Variants in TEX14 observed in about 807,000 individuals in gnomAD.
The protein encoded by TEX14 is testis expressed 14, intercellular bridge forming factor, also known as inactive serine/threonine-protein kinase TEX14.
A neutral mutation model predicts 178.6 loss-of-function variants in TEX14; 168 were observed. That is an observed-to-expected ratio of 0.94 (90% CI 0.83 to 1.07). The LOEUF is 1.07. TEX14 is among the 50% of genes least tolerant of loss of function. TEX14 has a pLI of 0.00. For synonymous variants in TEX14, 626 were observed against 634.1 expected, an observed-to-expected ratio of 0.99 and a Z score of 0.19; for missense variants, 1,730 against 1,753.6, an observed-to-expected ratio of 0.99 and a Z score of 0.24.
At chr17:58,564,816 CAT>C in intron 28 of TEX14, 51 bp downstream of exon 28, 1 of 1,160,044 alleles carries the variant, frequency 8.6e-7, no homozygotes, top group East Asian at 2.5e-5. Flanking sequence ...AAAAACCTAA[CAT>C]AAACTATACA....
At chr17:58,654,980 T>C (rs934317270) in intron 1 of TEX14, among the ~76,000 whole-genome samples, 10 of 151,522 alleles carry the variant, frequency 6.6e-5, no homozygotes, top group Non-Finnish European at 1.3e-4. Flanking sequence ...GTTGGTCTGC[T>C]GAGTTACTCC....
At chr17:58,686,498 C>A (rs1228300637) in intron 1 of TEX14, among the ~76,000 whole-genome samples, 1 of 152,044 alleles carries the variant, frequency 6.6e-6, no homozygotes, top group African/African-American at 2.4e-5. Flanking sequence ...TGCATCTGGA[C>A]GGCAGAGGGT....
chr17:58,630,291 C>T (rs952535511), intron 3 of TEX14, 149 bp downstream of exon 3: 4 of 546,444 alleles, frequency 7.3e-6, no homozygotes, highest in East Asian at 6.2e-5. Context: ...CTCCTGACCT[C>T]GTGATCTGCC....
chr17:58,556,714 G>A lies in TEX14; in HGVS notation c.*297C>T. The A allele has an allele frequency of 2.7e-6, 1 of 366,202 alleles. No homozygotes were observed. Among genetic ancestry groups the A allele is most frequent in the East Asian group, 4.2e-5 (1 of 23,664 alleles). 22.7% of individuals were successfully genotyped at this position (366,202 alleles called of 1,614,324 possible). A position where few individuals can be genotyped will look rare whatever the true frequency, so the allele number is the denominator to read the frequency against. On this transcript the variant is annotated 3_prime_UTR_variant, in exon 32 of 32. Coordinates refer to ENST00000349033, the MANE Select transcript of TEX14 (RefSeq NM_031272.5). ...AATTAAACATTTTATTATATAACAA[G>A]AGTTAAAGTTTTTGAAAATTAACAT...
At chr17:58,675,552 G>A (rs1022526007) in intron 1 of TEX14, 5 of 152,128 alleles carry the variant, frequency 3.3e-5, no homozygotes, top group African/African-American at 1.2e-4. Context: ...GACAATCTCT[G>A]GCTCTTTCTA....
At chr17:58,565,565 TAC>T (rs2044379138) in intron 27 of TEX14, among the ~76,000 whole-genome samples, 180 bp downstream of exon 27, 1 of 152,238 alleles carries the variant, frequency 6.6e-6, no homozygotes, top group African/African-American at 2.4e-5. Flanking sequence ...GTCCCCATTT[TAC>T]AGATTAAGAC....
intron 14 of TEX14, among the ~76,000 whole-genome samples, chr17:58,594,058 A>C (rs1182788250): frequency 6.6e-6 from 1 of 151,824 alleles, no homozygotes; most frequent in Non-Finnish European, 1.5e-5. Context: ...TGGTCTCGAT[A>C]TCTTGACTTT....
chr17:58,574,336 GC>G, intron 21 of TEX14, 87 bp from the exon 22 acceptor site: 1 of 1,025,480 alleles, frequency 9.8e-7, no homozygotes, highest in Non-Finnish European at 1.5e-6. Context: ...CAGTTGATCA[GC>G]CCAGTGTGAG....
intron 13 of TEX14, among the ~76,000 whole-genome samples, 159 bp downstream of exon 13, chr17:58,601,647 G>C (rs917059838): frequency 1.1e-4 from 16 of 152,200 alleles, no homozygotes; most frequent in African/African-American, 3.9e-4. Flanking sequence ...TGAGCTGAGA[G>C]CATGCCACTG....
rs374331123 is a variant in TEX14 at position 58,572,123 on chromosome 17, G to C, written c.3515C>G (p.Ser1172Cys). The change falls in exon 24 of 32, where the codon TCC becomes TGC. Residue 1172 changes from serine (S) to cysteine (C), a missense_variant. Ser to Cys is a moderately radical substitution (Grantham distance 112). Transcript: ENST00000349033. ...ATACTGACTGGCAGCTGAAGAAACGGACCCTGTTGGAGAAAAGCGGAAGGT... is the reference window on the plus strand; with the variant it reads ...ATACTGACTGGCAGCTGAAGAAACGCACCCTGTTGGAGAAAAGCGGAAGGT... ...TSVSTPLSPG[S>C]VSSAASQYKD... is the part of the protein sequence containing the mutation. The C allele has an allele frequency of 6.2e-6, 10 of 1,603,120 alleles. No homozygotes were observed. The highest frequency in any genetic ancestry group is 8.5e-6 in the Non-Finnish European group (10 of 1,171,114).
chr17:58,659,307 A>C (rs781562335), intron 1 of TEX14: 3 of 974,504 alleles, frequency 3.1e-6, no homozygotes, highest in Non-Finnish European at 3.7e-6. Flanking sequence ...CAAAGACATT[A>C]TTTACTTAAT....
intron 1 of TEX14, among the ~76,000 whole-genome samples, chr17:58,675,016 C>A (rs543380862): frequency 1.3e-5 from 2 of 151,832 alleles, no homozygotes; most frequent in South Asian, 2.1e-4. Context: ...CATGGTAGCA[C>A]ATGCCTATAA....
intron 4 of TEX14, among the ~76,000 whole-genome samples, chr17:58,622,082 T>C (rs2144549836): frequency 6.6e-6 from 1 of 152,336 alleles, no homozygotes; most frequent in South Asian, 2.1e-4. Context: ...GAAAGGAGAC[T>C]GCACACAGAG....
chr17:58,654,591 C>T (rs1160243998), intron 1 of TEX14, among the ~76,000 whole-genome samples: 1 of 150,252 alleles, frequency 6.7e-6, no homozygotes, highest in Non-Finnish European at 1.5e-5. Flanking sequence ...ACTGCAATCT[C>T]CACCTCCTGG....
chr17:58,662,715 C>A (rs866049122), intron 1 of TEX14, among the ~76,000 whole-genome samples: 1 of 152,146 alleles, frequency 6.6e-6, no homozygotes, highest in Middle Eastern at 3.4e-3. Context: ...TCATGGGAGT[C>A]AAGGAAGGAA....
chr17:58,627,849 C>T (rs1452507625), intron 3 of TEX14, among the ~76,000 whole-genome samples: 3 of 149,972 alleles, frequency 2.0e-5, no homozygotes. Context: ...TGCAGACTGT[C>T]CCAATATGGC....
Position 58,676,245 on chromosome 17 carries a change from A to T in TEX14, c.-2+15694T>A, listed in dbSNP as rs2047392850. ...AAGAAAATTAGCCAGGCGTGGTGGC[A>T]GGTGCCTGTAATCCCAGCTACTCAG... On this transcript the variant is annotated intron_variant, in intron 1 of 31. Coordinates refer to ENST00000349033, the MANE Select transcript of TEX14 (RefSeq NM_031272.5). Among the ~76,000 whole-genome samples the T allele has an allele frequency of 2.6e-5, 4 of 152,086 alleles. No individual in the cohort carries two copies. The South Asian group carries it at 8.3e-4, about 32-fold the overall frequency.
At chr17:58,684,590 GC>G (rs2047559585) in intron 1 of TEX14, among the ~76,000 whole-genome samples, 1 of 150,676 alleles carries the variant, frequency 6.6e-6, no homozygotes, top group Non-Finnish European at 1.5e-5. Flanking sequence ...AGAAGATCGT[GC>G]CACTGCACTC....
At chr17:58,659,395 G>A (rs1189236880) in intron 1 of TEX14, 4 of 871,878 alleles carry the variant, frequency 4.6e-6, no homozygotes, top group African/African-American at 1.8e-5. Context: ...TTTAGGCATC[G>A]CTTCGAAACT....
Sources: gnomAD v4.1 joint callset for allele counts (sites outside exome capture counted in the v4.1 genomes callset) on GRCh38, gnomAD v4.1.1 for gene constraint, MANE v1.5 for transcripts, NCBI Gene and HGNC (gene_info 2026-07-23, HGNC 2026-07-21) for gene names.